The following C14orf39 variants were observed in gnomAD, a reference collection of about 807,000 sequenced individuals.
C14orf39 encodes chromosome 14 open reading frame 39.
A neutral mutation model predicts 85.6 loss-of-function variants in C14orf39; 66 were observed. The observed-to-expected ratio is 0.77, with a 90% CI of 0.63 to 0.95. The LOEUF is 0.95. Ranked by LOEUF, C14orf39 falls within the 40% of genes least tolerant of loss-of-function variation. C14orf39 has a pLI of 0.00. For synonymous variants in C14orf39, 242 were observed against 214.0 expected (o/e 1.13, Z -1.14); for missense variants, 735 against 663.9 (o/e 1.11, Z -1.18).
chr14:60,510,034 G>A lies in C14orf39; in HGVS notation c.-144+5361C>T, dbSNP rs114540035. ...GGAGGAGGCGGGTGGAGGCACCTCT[G>A]GCGCCCTTACCCAGTCCCTGGCGAC... On this transcript the variant is annotated intron_variant, in intron 1 of 5. Transcript: ENST00000556799. 7.7e-4 allele frequency: 1,102 copies of A among 1,426,618 alleles called. 11 individuals carry two copies. The African/African-American group carries it at 0.012, about 16-fold the overall frequency. The allele number at this position is 1,426,618 out of a possible 1,614,324, so 88.4% of individuals were successfully genotyped here.
At chr14:60,494,149 C>A in intron 2 of C14orf39, 1 of 318,332 alleles carries the variant, frequency 3.1e-6, no homozygotes, top group South Asian at 3.9e-5. Flanking sequence ...GCCAGAATTT[C>A]CTTGGGAAAC....
At chr14:60,437,872 G>T (rs1890329279) in intron 17 of C14orf39, among the ~76,000 whole-genome samples, 1 of 151,862 alleles carries the variant, frequency 6.6e-6, no homozygotes, top group Non-Finnish European at 1.5e-5. Context: ...AGCTTTAAAT[G>T]TAGCTCTGGT....
At chr14:60,450,252 G>A (rs1890970840) in intron 16 of C14orf39, among the ~76,000 whole-genome samples, 1 of 152,178 alleles carries the variant, frequency 6.6e-6, no homozygotes, top group Non-Finnish European at 1.5e-5. Flanking sequence ...TAGGCTCTTG[G>A]ACAGCATTTC....
intron 17 of C14orf39, among the ~76,000 whole-genome samples, chr14:60,438,265 G>C (rs1018397564): frequency 1.3e-5 from 2 of 152,010 alleles, no homozygotes; most frequent in Non-Finnish European, 2.9e-5. Flanking sequence ...CAGACAGATG[G>C]ATAGATGGAC....
At chr14:60,454,660 C>T (rs1891186103) in intron 16 of C14orf39, among the ~76,000 whole-genome samples, 1 of 151,890 alleles carries the variant, frequency 6.6e-6, no homozygotes, top group Admixed American at 6.6e-5. Flanking sequence ...GTTGAAAAGA[C>T]CCATTTATAA....
intron 1 of C14orf39, among the ~76,000 whole-genome samples, chr14:60,513,859 G>C (rs1893327748): frequency 6.6e-6 from 1 of 152,176 alleles, no homozygotes; most frequent in Non-Finnish European, 1.5e-5. Context: ...AACAGTGATG[G>C]AGCATTTTTA....
At position 60,436,701 on chromosome 14, in the gene C14orf39, T is replaced by A. The variant is rs1164564020; in HGVS notation, c.*144A>T. 2 of 559,544 alleles carry A rather than the reference T, an allele frequency of 3.6e-6. No individual in the cohort carries two copies. Among genetic ancestry groups the A allele is most frequent in the Non-Finnish European group, 6.0e-6 (2 of 332,796 alleles). The allele number at this position is 559,544 out of a possible 1,614,324, so 34.7% of individuals were successfully genotyped here. On this transcript the variant is annotated 3_prime_UTR_variant, in exon 18 of 18. Transcript: ENST00000321731. ...AAACCCAAAATATTCAGTATTTCAA[T>A]ATTTCAATAAATATAATCAAATAAT...
At chr14:60,478,435 C>T in intron 4 of C14orf39, 46 bp from the exon 5 acceptor site, 1 of 937,168 alleles carries the variant, frequency 1.1e-6, no homozygotes, top group South Asian at 1.7e-5. Flanking sequence ...GAATGATAAA[C>T]AAATTGATAG....
Position 60,447,679 on chromosome 14 carries a change from A to G in C14orf39, c.1504-5548T>C, listed in dbSNP as rs143085879. ...AGCTACCAAAGACTTTCTTCATAGAATTGGAAAAAACTACTTTAAAGTTCA... is the reference window on the plus strand; with the variant it reads ...AGCTACCAAAGACTTTCTTCATAGAGTTGGAAAAAACTACTTTAAAGTTCA... On this transcript the variant is annotated intron_variant, in intron 16 of 17. Coordinates refer to ENST00000321731, the MANE Select transcript of C14orf39 (RefSeq NM_174978.3). Among the ~76,000 whole-genome samples the G allele has an allele frequency of 2.6e-5, 4 of 152,332 alleles. No homozygotes were observed. In the East Asian group the frequency reaches 7.7e-4, roughly 29 times the overall value.
At chr14:60,472,735 CATCATTTTTT>C (rs1470695940) in intron 5 of C14orf39, among the ~76,000 whole-genome samples, 1 of 152,134 alleles carries the variant, frequency 6.6e-6, no homozygotes. Flanking sequence ...GACATGAACT[CATCATTTTTT>C]ATGGCTGCAT....
intron 17 of C14orf39, among the ~76,000 whole-genome samples, chr14:60,438,735 A>T (rs766209177): frequency 2.0e-5 from 3 of 152,090 alleles, no homozygotes; most frequent in Non-Finnish European, 4.4e-5. Flanking sequence ...GATAAATAAA[A>T]GGTTTTATGG....
chr14:60,501,116 A>G (rs1893139653), intron 1 of C14orf39, among the ~76,000 whole-genome samples: 1 of 152,014 alleles, frequency 6.6e-6, no homozygotes, highest in African/African-American at 2.4e-5. Flanking sequence ...ACCCTAGGCA[A>G]TATAGAGAGA....
intron 16 of C14orf39, among the ~76,000 whole-genome samples, chr14:60,450,756 T>A (rs1205699222): frequency 6.6e-6 from 1 of 152,090 alleles, no homozygotes; most frequent in Non-Finnish European, 1.5e-5. Context: ...GCAGTCCTAG[T>A]CGAGATGGCC....
In C14orf39 at chr14:60,484,713, G is replaced by C. The variant is rs1395802926; in HGVS notation, c.106+168C>G. ...AGAAGTTTATTATCAAACAACTATAGTTAAGTCACATCTATTTCGTCTAGG... is the reference window on the plus strand; with the variant it reads ...AGAAGTTTATTATCAAACAACTATACTTAAGTCACATCTATTTCGTCTAGG... On this transcript the variant is annotated intron_variant, in intron 3 of 17. Coordinates refer to ENST00000321731, the MANE Select transcript of C14orf39 (RefSeq NM_174978.3). This position sits in a 1 kb window ranked among gnomAD's most constrained non-coding sequence, Gnocchi z 4.2. Among the ~76,000 whole-genome samples, 1 of 152,172 alleles carries C rather than the reference G, an allele frequency of 6.6e-6. No individual in the cohort carries two copies. Among genetic ancestry groups the C allele is most frequent in the African/African-American group, 2.4e-5 (1 of 41,440 alleles).
At chr14:60,468,091 A>T (rs1483354005) in intron 9 of C14orf39, among the ~76,000 whole-genome samples, 1 of 151,692 alleles carries the variant, frequency 6.6e-6, no homozygotes, top group Non-Finnish European at 1.5e-5. Context: ...GGGTGATAAA[A>T]AAGTAAATAC....
intron 1 of C14orf39, among the ~76,000 whole-genome samples, chr14:60,501,078 G>T (rs1893139145): frequency 6.6e-6 from 1 of 151,454 alleles, no homozygotes; most frequent in African/African-American, 2.4e-5. Flanking sequence ...GGTGAAGGAG[G>T]GTCACTTGAG....
intron 7 of C14orf39, among the ~76,000 whole-genome samples, chr14:60,470,962 T>A (rs1275240092): frequency 6.6e-6 from 1 of 151,954 alleles, no homozygotes; most frequent in Non-Finnish European, 1.5e-5. Context: ...ATTATTTATT[T>A]ACATGTCAGT....
At chr14:60,475,513 T>A (rs1200139617) in intron 5 of C14orf39, among the ~76,000 whole-genome samples, 2 of 152,086 alleles carry the variant, frequency 1.3e-5, no homozygotes, top group African/African-American at 4.8e-5. Flanking sequence ...ATTGAAAAAA[T>A]CAAAAGAATA....
Position 60,498,991 on chromosome 14 carries a change from G to A in C14orf39, c.-9+305C>T, listed in dbSNP as rs139002826. On this transcript the variant is annotated intron_variant, in intron 2 of 5. Coordinates refer to the C14orf39 transcript ENST00000556799. ...TATTACTGAAGGGCCGGGCACGGTG[G>A]CTCACACCTGCAGTCCTAGCACTTC... 1.7e-3 allele frequency among the ~76,000 whole-genome samples: 264 copies of A among 152,302 alleles called. 1 individual carries two copies. The highest frequency in any genetic ancestry group is 6.8e-3 in the Middle Eastern group (2 of 294).
Sources: allele counts gnomAD v4.1 joint callset (sites outside exome capture counted in the v4.1 genomes callset), GRCh38; gene constraint gnomAD v4.1.1; non-coding constraint Gnocchi (gnomAD v3.1); transcripts MANE v1.5; gene names NCBI Gene and HGNC (gene_info 2026-07-23, HGNC 2026-07-21).